Variants in UNC5C observed in about 807,000 individuals in gnomAD.
UNC5C encodes netrin receptor UNC5C.
In UNC5C, 47 loss-of-function variants were observed where a neutral mutation model predicts 99.8. That is an observed-to-expected ratio of 0.47 (90% CI 0.37 to 0.60). The LOEUF (loss-of-function observed/expected upper bound fraction) is 0.60, where lower values mean the gene tolerates loss of function less well. Ranked by LOEUF, UNC5C falls within the 20% of genes least tolerant of loss-of-function variation. The probability of loss-of-function intolerance (pLI) is 0.00; values close to 1 mark genes in which losing one functional copy is unlikely to be tolerated. For synonymous variants in UNC5C, 487 were observed against 452.2 expected, an observed-to-expected ratio of 1.08 and a Z score of -0.98; for missense variants, 1,062 against 1,165.9, an observed-to-expected ratio of 0.91 and a Z score of 1.30.
chr4:95,367,715 C>A (rs1744616447), intron 1 of UNC5C, among the ~76,000 whole-genome samples: 1 of 152,048 alleles, frequency 6.6e-6, no homozygotes, highest in Admixed American at 6.6e-5. Flanking sequence ...ATTAACTTAT[C>A]TTTCTTTACT....
intron 12 of UNC5C, 82 bp from the exon 13 acceptor site, chr4:95,185,278 A>G: frequency 6.7e-7 from 1 of 1,494,378 alleles, no homozygotes; most frequent in Admixed American, 2.3e-5. Context: ...AAGTTTCTTT[A>G]CTGCCTCCTG....
chr4:95,468,441 A>G (rs1254344217), intron 1 of UNC5C, among the ~76,000 whole-genome samples: 14 of 152,120 alleles, frequency 9.2e-5, no homozygotes. Context: ...TATATCTTGA[A>G]ATGCTTTACC....
chr4:95,439,577 C>A (rs1746890223), intron 1 of UNC5C, among the ~76,000 whole-genome samples: 1 of 152,026 alleles, frequency 6.6e-6, no homozygotes, highest in Non-Finnish European at 1.5e-5. Context: ...TCACATACTT[C>A]CGTGTTAATG....
At chr4:95,495,947 T>A (rs946436698) in intron 1 of UNC5C, among the ~76,000 whole-genome samples, 1 of 151,816 alleles carries the variant, frequency 6.6e-6, no homozygotes, top group African/African-American at 2.4e-5. Context: ...TTCAGAGACA[T>A]AAATTAATAG....
At chr4:95,460,395 T>C (rs1326767863) in intron 1 of UNC5C, among the ~76,000 whole-genome samples, 1 of 152,194 alleles carries the variant, frequency 6.6e-6, no homozygotes, top group East Asian at 1.9e-4. Context: ...TTTGGCTGTG[T>C]CCACACCGAA....
At chr4:95,307,688 T>C (rs1742111367) in intron 2 of UNC5C, among the ~76,000 whole-genome samples, 1 of 152,122 alleles carries the variant, frequency 6.6e-6, no homozygotes, top group Non-Finnish European at 1.5e-5. Context: ...TACAGGCCAA[T>C]AACCCTGATA....
rs762655060 is a variant in UNC5C, at chr4:95,219,076, T to C, written c.1538A>G (p.Glu513Gly). The C allele has an allele frequency of 3.7e-6, 6 of 1,614,038 alleles. No homozygotes were observed. ...ACTCTGGTTCTTCAGGCTGAGGGCT[T>C]CATTCTCCAACAACGACTGGGTCAT... ...PQMTQSLLEN[E>G]ALSLKNQSLA... The change falls in exon 9 of 16, where the codon GAA becomes GGA. Residue 513 changes from glutamate to glycine, a missense_variant. Around this residue, in one of 3 missense-constraint regions of UNC5C, gnomAD observed 810 missense variants for 854.5 expected, o/e 0.95. Transcript: ENST00000453304.
chr4:95,206,842 TCATGAAC>T, intron 10 of UNC5C, 46 bp from the exon 11 acceptor site: 1 of 1,465,066 alleles, frequency 6.8e-7, no homozygotes, highest in Non-Finnish European at 9.1e-7. Context: ...TCCATTGTAT[TCATGAAC>T]TATGCACTTG....
chr4:95,310,559 T>C (rs950624872), intron 2 of UNC5C, among the ~76,000 whole-genome samples: 5 of 152,022 alleles, frequency 3.3e-5, no homozygotes, highest in Non-Finnish European at 7.3e-5. Flanking sequence ...ATATACACAA[T>C]TCTGTTAATA....
chr4:95,469,533 A>T (rs1173749228), intron 1 of UNC5C, among the ~76,000 whole-genome samples: 1 of 152,130 alleles, frequency 6.6e-6, no homozygotes, highest in Non-Finnish European at 1.5e-5. Context: ...CAAGGTTTTC[A>T]TGCCTGCTAG....
chr4:95,468,167 TG>T (rs1715159530), intron 1 of UNC5C, among the ~76,000 whole-genome samples: 1 of 151,872 alleles, frequency 6.6e-6, no homozygotes, highest in East Asian at 1.9e-4. Context: ...TTAAAACTTT[TG>T]TATAAAGTAC....
chr4:95,423,761 T>C (rs575714070), intron 1 of UNC5C, among the ~76,000 whole-genome samples: 2 of 152,200 alleles, frequency 1.3e-5, no homozygotes, highest in Non-Finnish European at 2.9e-5. Context: ...TGCCCATTCC[T>C]GCACACATGA....
chr4:95,299,710 A>G (rs887680731), intron 3 of UNC5C, among the ~76,000 whole-genome samples: 7 of 152,182 alleles, frequency 4.6e-5, no homozygotes, highest in Non-Finnish European at 1.0e-4. Flanking sequence ...TGTACAAGGG[A>G]ACTCCCCTTT....
chr4:95,454,436 G>C (rs1747374052), intron 1 of UNC5C, among the ~76,000 whole-genome samples: 3 of 152,100 alleles, frequency 2.0e-5, no homozygotes. Context: ...TTAAAGTTCA[G>C]AAGATTGTAA....
chr4:95,278,021 A>G (rs2149394026), intron 4 of UNC5C, among the ~76,000 whole-genome samples: 1 of 152,360 alleles, frequency 6.6e-6, no homozygotes, highest in South Asian at 2.1e-4. Flanking sequence ...TTCTTGAAAG[A>G]GAATGACAAA....
At chr4:95,398,044 C>CTTTTTTTTTTTTTTTTTTTT (rs34609153) in intron 1 of UNC5C, among the ~76,000 whole-genome samples, 11 of 95,900 alleles carry the variant, frequency 1.1e-4, no homozygotes, top group East Asian at 7.3e-4. Context: ...CCAAATGTAG[C>CTTTTTTTTTTTTTTTTTTTT]TTTTTTTTTT....
chr4:95,448,225 TGTGAGAGAGAGAGA>T (rs1335127439), intron 1 of UNC5C, among the ~76,000 whole-genome samples: 20 of 105,738 alleles, frequency 1.9e-4, no homozygotes, highest in African/African-American at 6.9e-4. Flanking sequence ...TGTGTGTGTG[TGTGAGAGAGAGAGA>T]GAGAGAGAGA....
intron 14 of UNC5C, among the ~76,000 whole-genome samples, chr4:95,176,832 T>A (rs1314294095): frequency 6.6e-6 from 1 of 152,004 alleles, no homozygotes; most frequent in Non-Finnish European, 1.5e-5. Flanking sequence ...CGGGGGCCCC[T>A]CCCCCAGCCT....
intron 1 of UNC5C, among the ~76,000 whole-genome samples, chr4:95,482,277 A>T (rs1692088247): frequency 1.3e-5 from 2 of 151,938 alleles, no homozygotes; most frequent in South Asian, 4.1e-4. Context: ...ATCACTGGCC[A>T]TCAGAGAAAT....
Sources: allele counts gnomAD v4.1 joint callset (sites outside exome capture counted in the v4.1 genomes callset), GRCh38; gene constraint gnomAD v4.1.1; regional missense constraint gnomAD v4.1.1; transcripts MANE v1.5; gene names NCBI Gene and HGNC (gene_info 2026-07-23, HGNC 2026-07-21).